Variants in FLNB observed in about 807,000 individuals in gnomAD.
The protein encoded by FLNB is filamin B, also known as filamin-B.
A neutral mutation model predicts 250.6 loss-of-function variants in FLNB; 111 were observed. The observed-to-expected ratio is 0.44, with a 90% confidence interval of 0.38 to 0.52. FLNB has a LOEUF of 0.52. Ranked by LOEUF, FLNB falls within the 20% of genes least tolerant of loss-of-function variation. The pLI is 0.00. For missense variants in FLNB, 2,869 were observed against 3,447.8 expected (o/e 0.83, Z 4.20); for synonymous variants, 1,302 against 1,372.1 (o/e 0.95, Z 1.13).
rs1271109414 is a variant in FLNB at position 58,171,139 on chromosome 3, A to G, written c.*377A>G. The G allele has an allele frequency of 4.1e-6, 1 of 242,896 alleles. No homozygotes were observed. The highest frequency in any genetic ancestry group is 2.3e-5 in the African/African-American group (1 of 43,990). The allele number at this position is 242,896 out of a possible 1,614,324, so 15.0% of individuals were successfully genotyped here. A position where few individuals can be genotyped will look rare whatever the true frequency, so the allele number is the denominator to read the frequency against. On this transcript the variant is annotated 3_prime_UTR_variant, in exon 46 of 46. Coordinates refer to ENST00000295956, the MANE Select transcript of FLNB (RefSeq NM_001457.4). This position sits in a 1 kb window ranked among gnomAD's most constrained non-coding sequence, Gnocchi z 5.5. ...TCTTCAGCATTTATGAAACAAGGCT[A>G]GGGGAAGATGGGCAGAGAAAAAGGG...
chr3:58,104,250 G>T (rs974646196), intron 10 of FLNB, among the ~76,000 whole-genome samples, 165 bp downstream of exon 10: 3 of 150,658 alleles, frequency 2.0e-5, no homozygotes, highest in Non-Finnish European at 4.4e-5. Context: ...GTTCTCAAAA[G>T]CAGCAGAAAG....
At chr3:58,029,770 C>T (rs2097128308) in intron 1 of FLNB, among the ~76,000 whole-genome samples, 1 of 152,088 alleles carries the variant, frequency 6.6e-6, no homozygotes, top group Non-Finnish European at 1.5e-5. Context: ...TCCCCGGCCT[C>T]CCAAAGTGCT....
At chr3:58,147,612 C>T (rs2097337790) in intron 34 of FLNB, among the ~76,000 whole-genome samples, 1 of 152,228 alleles carries the variant, frequency 6.6e-6, no homozygotes, top group African/African-American at 2.4e-5. Context: ...GAAATGCCCA[C>T]AGCCATGCCA....
chr3:58,095,475 T>A (rs1446445167), intron 5 of FLNB, among the ~76,000 whole-genome samples: 1 of 152,142 alleles, frequency 6.6e-6, no homozygotes, highest in African/African-American at 2.4e-5. Context: ...AGGCTGGTCT[T>A]GAACTCCTGA....
chr3:58,091,833 C>A (rs961257780), intron 4 of FLNB, among the ~76,000 whole-genome samples: 2 of 152,104 alleles, frequency 1.3e-5, no homozygotes, highest in Admixed American at 1.3e-4. Flanking sequence ...AAAAGCCACC[C>A]GGACACCGTC....
intron 1 of FLNB, among the ~76,000 whole-genome samples, chr3:58,060,164 G>A (rs2097175931): frequency 6.6e-6 from 1 of 152,166 alleles, no homozygotes; most frequent in African/African-American, 2.4e-5. Flanking sequence ...CAAGTGAACG[G>A]GGGCGCAAGG....
chr3:58,008,882 G>C (rs767265319), intron 1 of FLNB, 26 bp downstream of exon 1: 126 of 1,612,784 alleles, frequency 7.8e-5, no homozygotes, highest in Non-Finnish European at 9.9e-5. Flanking sequence ...GGGCCCAGGC[G>C]CCCACTGTGG....
At chr3:58,078,650 G>T in intron 2 of FLNB, 67 bp from the exon 3 acceptor site, 1 of 1,526,330 alleles carries the variant, frequency 6.6e-7, no homozygotes. Context: ...GTTAGTTTAG[G>T]CACATGGTTT....
At position 58,172,176 on chromosome 3, in the gene FLNB, G is replaced by T. The variant is rs973736548; in HGVS notation, c.*1414G>T. The T allele has an allele frequency of 6.6e-6, 1 of 152,546 alleles. No homozygotes were observed. Among genetic ancestry groups the T allele is most frequent in the Admixed American group, 6.5e-5 (1 of 15,276 alleles). 9.4% of individuals were successfully genotyped at this position (152,546 alleles called of 1,614,324 possible). On this transcript the variant is annotated 3_prime_UTR_variant, in exon 46 of 46. Transcript: ENST00000295956. ...CCACGGGTGTTGTAAGCTGGGACACGGAAGCCAAACTGGAATCAAACGCCG... is the reference window on the plus strand; with the variant it reads ...CCACGGGTGTTGTAAGCTGGGACACTGAAGCCAAACTGGAATCAAACGCCG...
At chr3:58,134,434 A>T (rs1184853251) in intron 26 of FLNB, among the ~76,000 whole-genome samples, 182 bp from the exon 27 acceptor site, 1 of 152,214 alleles carries the variant, frequency 6.6e-6, no homozygotes, top group Non-Finnish European at 1.5e-5. Flanking sequence ...AGTCTGTCAT[A>T]TGATGGTTAC....
intron 39 of FLNB, 122 bp downstream of exon 39, chr3:58,153,763 C>G: frequency 1.7e-6 from 2 of 1,148,250 alleles, no homozygotes. Flanking sequence ...GCATTAAGGG[C>G]ATTATTTAAA....
At chr3:58,071,492 T>A (rs1416008141) in intron 1 of FLNB, among the ~76,000 whole-genome samples, 1 of 152,016 alleles carries the variant, frequency 6.6e-6, no homozygotes, top group Non-Finnish European at 1.5e-5. Context: ...TTAGCCAGGC[T>A]GGCCTCGAAC....
At chr3:58,037,606 C>T (rs1183735752) in intron 1 of FLNB, among the ~76,000 whole-genome samples, 1 of 152,130 alleles carries the variant, frequency 6.6e-6, no homozygotes, top group African/African-American at 2.4e-5. Flanking sequence ...CATTTTTTCC[C>T]TTGCATTCCC....
At chr3:58,139,333 C>T (rs1299764052) in intron 29 of FLNB, among the ~76,000 whole-genome samples, 3 of 152,192 alleles carry the variant, frequency 2.0e-5, no homozygotes, top group African/African-American at 7.2e-5. Context: ...ATGCTGTCAT[C>T]CTCACTGGTG....
intron 43 of FLNB, 136 bp downstream of exon 43, chr3:58,163,466 C>A: frequency 1.2e-6 from 1 of 859,786 alleles, no homozygotes. Flanking sequence ...ACTTCGGAGG[C>A]GCTTGCTGTC....
intron 1 of FLNB, among the ~76,000 whole-genome samples, chr3:58,050,572 C>G (rs1190611481): frequency 6.6e-6 from 1 of 152,164 alleles, no homozygotes; most frequent in Non-Finnish European, 1.5e-5. Context: ...AGCAATTACC[C>G]AAGGCAGTTC....
At chr3:58,093,938 C>A (rs184608373) in intron 4 of FLNB, among the ~76,000 whole-genome samples, 1 of 152,070 alleles carries the variant, frequency 6.6e-6, no homozygotes, top group Non-Finnish European at 1.5e-5. Context: ...GTGTGGAGAA[C>A]GGGTTAGTGG....
chr3:58,148,237 G>A lies in FLNB; in HGVS notation c.5760G>A (p.Leu1920=), dbSNP rs1284199408. Residue 1920 remains leucine (L), a synonymous_variant, in exon 35 of 46, where the codon TTG becomes TTA. Transcript: ENST00000295956. ...DDSRRCSQVK[L]GSAADFLLDI... ...GCAGGCGGTGCTCCCAGGTGAAGTT[G>A]GGCTCAGCCGCTGACTTCCTGCTCG... 1.6e-5 allele frequency: 26 copies of A among 1,614,118 alleles called. No homozygotes were observed. The highest frequency in any genetic ancestry group is 2.2e-5 in the Non-Finnish European group (26 of 1,180,060).
intron 1 of FLNB, among the ~76,000 whole-genome samples, chr3:58,065,087 G>A (rs1337888943): frequency 6.6e-6 from 1 of 152,152 alleles, no homozygotes; most frequent in Admixed American, 6.5e-5. Context: ...GGTAGAGGCC[G>A]AGTCAGTCAT....
Sources: allele counts gnomAD v4.1 joint callset (sites outside exome capture counted in the v4.1 genomes callset), GRCh38; gene constraint gnomAD v4.1.1; non-coding constraint Gnocchi (gnomAD v3.1); transcripts MANE v1.5; gene names NCBI Gene and HGNC (gene_info 2026-07-23, HGNC 2026-07-21).